Variants in CPQ observed in about 807,000 individuals in gnomAD.
CPQ encodes the protein Ser-Met dipeptidase.
In CPQ, 37 loss-of-function variants were observed where a neutral mutation model predicts 45.7. The observed-to-expected ratio is 0.81, with a 90% CI of 0.62 to 1.07. CPQ has a LOEUF of 1.07. CPQ is among the 50% of genes least tolerant of loss of function. The probability of loss-of-function intolerance (pLI) is 0.00; values close to 1 mark genes in which losing one functional copy is unlikely to be tolerated. For synonymous variants in CPQ, 186 were observed against 205.8 expected, an observed-to-expected ratio of 0.90 and a Z score of 0.82; for missense variants, 537 against 572.9, an observed-to-expected ratio of 0.94 and a Z score of 0.64.
chr8:97,017,419 G>C (rs933761707), intron 5 of CPQ, among the ~76,000 whole-genome samples: 1 of 152,202 alleles, frequency 6.6e-6, no homozygotes, highest in African/African-American at 2.4e-5. Context: ...CCAGAACTGG[G>C]GGGAGGGCAT....
chr8:96,745,761 C>G (rs759951433), intron 1 of CPQ, among the ~76,000 whole-genome samples: 1 of 152,194 alleles, frequency 6.6e-6, no homozygotes, highest in African/African-American at 2.4e-5. Flanking sequence ...AGGAAGAATA[C>G]TTTTTATAAT....
At chr8:96,699,857 A>G (rs1226817131) in intron 1 of CPQ, among the ~76,000 whole-genome samples, 1 of 152,182 alleles carries the variant, frequency 6.6e-6, no homozygotes, top group African/African-American at 2.4e-5. Context: ...CTGTCACCCA[A>G]GGCCTTTCCT....
intron 3 of CPQ, among the ~76,000 whole-genome samples, chr8:96,848,089 AG>A (rs1312723767): frequency 6.6e-6 from 1 of 152,118 alleles, no homozygotes; most frequent in Non-Finnish European, 1.5e-5. Flanking sequence ...GGGTGTCAAC[AG>A]TAATAGTTTA....
intron 4 of CPQ, among the ~76,000 whole-genome samples, chr8:96,959,512 C>G (rs1046421213): frequency 2.0e-5 from 3 of 152,054 alleles, no homozygotes; most frequent in African/African-American, 7.2e-5. Flanking sequence ...AAGCCTGCAT[C>G]AGAAGCTTCT....
intron 3 of CPQ, among the ~76,000 whole-genome samples, chr8:96,874,827 A>T (rs186155482): frequency 1.3e-5 from 2 of 152,044 alleles, no homozygotes; most frequent in African/African-American, 4.8e-5. Flanking sequence ...ATGTGGGCAT[A>T]TATTTTCATT....
intron 5 of CPQ, among the ~76,000 whole-genome samples, chr8:96,992,811 A>G (rs1161321939): frequency 6.6e-6 from 1 of 152,204 alleles, no homozygotes; most frequent in East Asian, 1.9e-4. Flanking sequence ...TCAGTCCTGT[A>G]ATGGTGCACC....
intron 4 of CPQ, among the ~76,000 whole-genome samples, chr8:96,909,984 G>C (rs143066070): frequency 6.6e-6 from 1 of 152,070 alleles, no homozygotes; most frequent in South Asian, 2.1e-4. Context: ...CACGGGATTT[G>C]GAGTCAGCAG....
intron 7 of CPQ, among the ~76,000 whole-genome samples, chr8:97,140,270 T>C (rs924777493): frequency 2.0e-5 from 3 of 151,912 alleles, no homozygotes; most frequent in African/African-American, 7.2e-5. Context: ...ATTGTTATCA[T>C]AAAGAAAACA....
chr8:97,063,624 C>A (rs1810589161), intron 6 of CPQ, among the ~76,000 whole-genome samples: 1 of 152,252 alleles, frequency 6.6e-6, no homozygotes, highest in East Asian at 1.9e-4. Context: ...AGTCTTTAAT[C>A]AATCTTTAGT....
At chr8:97,082,032 A>G (rs118025631) in intron 7 of CPQ, among the ~76,000 whole-genome samples, 4 of 152,218 alleles carry the variant, frequency 2.6e-5, no homozygotes, top group African/African-American at 9.6e-5. Context: ...CAAGATTTCT[A>G]TATTAGTCTA....
At chr8:96,706,166 A>C (rs1176666452) in intron 1 of CPQ, among the ~76,000 whole-genome samples, 1 of 151,944 alleles carries the variant, frequency 6.6e-6, no homozygotes, top group Non-Finnish European at 1.5e-5. Context: ...TGCTGCCTGA[A>C]TTTTCTTTTT....
At chr8:96,826,423 C>T (rs1192633773) in intron 2 of CPQ, among the ~76,000 whole-genome samples, 1 of 151,952 alleles carries the variant, frequency 6.6e-6, no homozygotes, top group African/African-American at 2.4e-5. Context: ...AACAAACAAC[C>T]TCCAAAATCT....
intron 7 of CPQ, among the ~76,000 whole-genome samples, chr8:97,080,836 T>G (rs1391742740): frequency 6.6e-6 from 1 of 152,196 alleles, no homozygotes; most frequent in Non-Finnish European, 1.5e-5. Flanking sequence ...ATGCATCTTT[T>G]GAGACCTGAG....
At chr8:96,887,079 A>G (rs542939911) in intron 4 of CPQ, among the ~76,000 whole-genome samples, 5 of 152,224 alleles carry the variant, frequency 3.3e-5, no homozygotes, top group African/African-American at 1.2e-4. Flanking sequence ...TGGGGTGTTA[A>G]TGACTCTTTA....
intron 1 of CPQ, among the ~76,000 whole-genome samples, chr8:96,668,033 A>G (rs1396243067): frequency 6.6e-6 from 1 of 152,236 alleles, no homozygotes; most frequent in Non-Finnish European, 1.5e-5. Context: ...ATTAATTATT[A>G]ATTGGGGAAA....
chr8:96,933,179 G>A (rs1812996865), intron 4 of CPQ, among the ~76,000 whole-genome samples: 1 of 152,184 alleles, frequency 6.6e-6, no homozygotes, highest in African/African-American at 2.4e-5. Flanking sequence ...TTTGCCATCT[G>A]TCTCTTGGAA....
At chr8:96,674,531 A>G (rs1726899745) in intron 1 of CPQ, among the ~76,000 whole-genome samples, 1 of 152,110 alleles carries the variant, frequency 6.6e-6, no homozygotes, top group South Asian at 2.1e-4. Context: ...CCTGGCTAAG[A>G]GTGATTGTAT....
chr8:96,693,195 A>G (rs914688394), intron 1 of CPQ, among the ~76,000 whole-genome samples: 1 of 152,070 alleles, frequency 6.6e-6, no homozygotes, highest in Non-Finnish European at 1.5e-5. Context: ...CAGGATCTAG[A>G]AAATGGCCTC....
At chr8:96,924,531 T>G (rs538157108) in intron 4 of CPQ, among the ~76,000 whole-genome samples, 10 of 143,754 alleles carry the variant, frequency 7.0e-5, no homozygotes, top group Non-Finnish European at 1.5e-4. Context: ...TGTGCATTGA[T>G]TTTTTTTTAC....
Sources: allele counts gnomAD v4.1 joint callset (sites outside exome capture counted in the v4.1 genomes callset), GRCh38; gene constraint gnomAD v4.1.1; transcripts MANE v1.5; gene names NCBI Gene and HGNC (gene_info 2026-07-23, HGNC 2026-07-21).